ME2: variants seen among roughly 807,000 people sequenced by gnomAD.
ME2 encodes the protein malic enzyme 2, also known as NAD-dependent malic enzyme, mitochondrial.
A neutral mutation model predicts 73.7 loss-of-function variants in ME2; 60 were observed. The observed-to-expected ratio is 0.81, with a 90% CI of 0.66 to 1.01. The LOEUF (loss-of-function observed/expected upper bound fraction) is 1.01. Ranked by LOEUF, ME2 falls within the 50% of genes least tolerant of loss-of-function variation. ME2 has a pLI of 0.00. For synonymous variants in ME2, 199 were observed against 236.9 expected, an observed-to-expected ratio of 0.84 and a Z score of 1.47; for missense variants, 594 against 705.5, an observed-to-expected ratio of 0.84 and a Z score of 1.79.
At chr18:50,928,730 C>A (rs988404619) in intron 12 of ME2, among the ~76,000 whole-genome samples, 3 of 152,170 alleles carry the variant, frequency 2.0e-5, no homozygotes, top group Non-Finnish European at 2.9e-5. Context: ...GATATCCACC[C>A]CTTTGGGTAT....
intron 12 of ME2, among the ~76,000 whole-genome samples, chr18:50,927,724 A>G (rs1404321250): frequency 1.2e-5 from 1 of 81,166 alleles, no homozygotes; most frequent in Non-Finnish European, 2.4e-5. Flanking sequence ...AAAAAACCAT[A>G]TATATATATA....
At chr18:50,879,741 C>T (rs1429040309) in intron 1 of ME2, among the ~76,000 whole-genome samples, 2 of 152,360 alleles carry the variant, frequency 1.3e-5, no homozygotes, top group East Asian at 1.9e-4. Context: ...GAGTTAACGG[C>T]AGGAGTTAGG....
intron 15 of ME2, 117 bp from the exon 16 acceptor site, chr18:50,946,900 C>A: frequency 2.7e-6 from 2 of 751,606 alleles, no homozygotes; most frequent in Non-Finnish European, 4.5e-6. Context: ...TTATTTTTTA[C>A]TGTGAAAAAA....
chr18:50,900,628 G>C (rs887943339), intron 2 of ME2, among the ~76,000 whole-genome samples: 1 of 152,122 alleles, frequency 6.6e-6, no homozygotes, highest in East Asian at 1.9e-4. Flanking sequence ...TGAGTGATAT[G>C]ATTTGGCTCT....
intron 13 of ME2, 123 bp downstream of exon 13, chr18:50,932,483 C>A: frequency 1.9e-6 from 1 of 531,950 alleles, no homozygotes; most frequent in Non-Finnish European, 3.2e-6. Context: ...TATAAATGTA[C>A]AAGGAAACTC....
chr18:50,891,888 A>G (rs1233150379), intron 1 of ME2, among the ~76,000 whole-genome samples: 1 of 149,660 alleles, frequency 6.7e-6, no homozygotes, highest in Non-Finnish European at 1.5e-5. Flanking sequence ...GTCTCGGCTC[A>G]CTGCAGCTCT....
intron 12 of ME2, among the ~76,000 whole-genome samples, chr18:50,931,026 G>A (rs563058219): frequency 6.6e-6 from 1 of 152,228 alleles, no homozygotes; most frequent in Admixed American, 6.5e-5. Context: ...TAAAAGTAGT[G>A]GTTACTCTGC....
chr18:50,933,174 T>C (rs917642031), intron 13 of ME2: 1 of 152,240 alleles, frequency 6.6e-6, no homozygotes, highest in East Asian at 1.9e-4. Flanking sequence ...TTCCTTTCAA[T>C]GTTTCTGCCT....
In ME2 at chr18:50,899,599, G is replaced by A. The variant is rs571392770; in HGVS notation, c.108+3671G>A. Among the ~76,000 whole-genome samples the A allele has an allele frequency of 1.9e-3, 294 of 152,264 alleles. 2 individuals are homozygous for A. The highest frequency in any genetic ancestry group is 6.8e-3 in the African/African-American group (283 of 41,550). On this transcript the variant is annotated intron_variant, in intron 2 of 15. Coordinates refer to ENST00000321341, the MANE Select transcript of ME2 (RefSeq NM_002396.5). ...TGCACTGCAGCTTGGGTGGCAGAGTGAGCCCCTGTCTCAAAAAAAATTGTC... is the reference window on the plus strand; with the variant it reads ...TGCACTGCAGCTTGGGTGGCAGAGTAAGCCCCTGTCTCAAAAAAAATTGTC...
At chr18:50,891,988 GT>G (rs11463139) in intron 1 of ME2, among the ~76,000 whole-genome samples, 106 of 142,920 alleles carry the variant, frequency 7.4e-4, no homozygotes, top group Middle Eastern at 7.2e-3. Flanking sequence ...GTGTGTGTGG[GT>G]TTTTTTTTTT....
Position 50,953,248 on chromosome 18 carries a change from G to T in ME2, c.*6064G>T. On this transcript the variant is annotated 3_prime_UTR_variant, in exon 16 of 16. Transcript: ENST00000321341. ...CGAGTAGCTCGGACTACAGGCGCCC[G>T]CCACCTCGCCCAGCTAATTTTTTGT... The T allele has an allele frequency of 6.6e-6, 1 of 152,252 alleles. No homozygotes were observed. The highest frequency in any genetic ancestry group is 1.5e-5 in the Non-Finnish European group (1 of 68,128). The allele number at this position is 152,252 out of a possible 1,614,324, so 9.4% of individuals were successfully genotyped here.
intron 12 of ME2, 54 bp downstream of exon 12, chr18:50,925,952 T>C (rs1485062823): frequency 1.6e-6 from 2 of 1,256,050 alleles, no homozygotes; most frequent in East Asian, 2.4e-5. Context: ...CACTAGCTTA[T>C]TAGTTATACA....
At chr18:50,882,054 A>C (rs530701803) in intron 1 of ME2, among the ~76,000 whole-genome samples, 3 of 152,296 alleles carry the variant, frequency 2.0e-5, no homozygotes, top group Non-Finnish European at 4.4e-5. Context: ...GCTAGAGTGC[A>C]GTGGTGCTGT....
chr18:50,893,933 C>G (rs1916670129), intron 1 of ME2, among the ~76,000 whole-genome samples: 1 of 152,208 alleles, frequency 6.6e-6, no homozygotes, highest in Non-Finnish European at 1.5e-5. Flanking sequence ...CCTTTTAAAT[C>G]ATTCAGACAT....
At chr18:50,886,490 C>T (rs1055228549) in intron 1 of ME2, among the ~76,000 whole-genome samples, 2 of 152,046 alleles carry the variant, frequency 1.3e-5, no homozygotes, top group Admixed American at 6.6e-5. Context: ...GTGATCCGCT[C>T]ACCTCAGCCT....
Position 50,947,298 on chromosome 18 carries a change from T to A in ME2, c.*114T>A. 6.2e-6 allele frequency: 7 copies of A among 1,120,048 alleles called. No individual in the cohort carries two copies. The South Asian group carries it at 1.1e-4, about 18-fold the overall frequency. The allele number at this position is 1,120,048 out of a possible 1,614,324, so 69.4% of individuals were successfully genotyped here. On this transcript the variant is annotated 3_prime_UTR_variant, in exon 16 of 16. Transcript: ENST00000321341. ...TCTGTGTTTTGTTCTCCCTGACCAC[T>A]TTGGTTGATGTATTTTTTCCATGCG... is the stretch of plus-strand genomic sequence containing the variant.
At chr18:50,890,578 A>C (rs657111) in intron 1 of ME2, among the ~76,000 whole-genome samples, 51,652 of 151,960 alleles carry the variant, frequency 0.34, 8,954 homozygotes, top group Non-Finnish European at 0.38. Context: ...ATTTAGTTTT[A>C]TCTATATCAT....
At chr18:50,889,435 G>C (rs528826982) in intron 1 of ME2, among the ~76,000 whole-genome samples, 1 of 152,024 alleles carries the variant, frequency 6.6e-6, no homozygotes, top group African/African-American at 2.4e-5. Flanking sequence ...GTCCAGAGAG[G>C]GCATGGAAAC....
Position 50,951,438 on chromosome 18 carries a change from T to G in ME2, c.*4254T>G, listed in dbSNP as rs1270504682. 2 of 152,204 alleles carry G rather than the reference T, an allele frequency of 1.3e-5. No homozygotes were observed. The highest frequency in any genetic ancestry group is 2.9e-5 in the Non-Finnish European group (2 of 68,032). The allele number at this position is 152,204 out of a possible 1,614,324, so 9.4% of individuals were successfully genotyped here. A position where few individuals can be genotyped will look rare whatever the true frequency, so the allele number is the denominator to read the frequency against. On this transcript the variant is annotated 3_prime_UTR_variant, in exon 16 of 16. Coordinates refer to ENST00000321341, the MANE Select transcript of ME2 (RefSeq NM_002396.5). Reference sequence around the variant, plus strand: ...TTTTCCTCAAGCCCAGTCAGTATCCTTCAAGGATAACTTTTTCATACCTTT... The same window carrying G: ...TTTTCCTCAAGCCCAGTCAGTATCCGTCAAGGATAACTTTTTCATACCTTT...
Sources: gnomAD v4.1 joint callset for allele counts (sites outside exome capture counted in the v4.1 genomes callset) on GRCh38, gnomAD v4.1.1 for gene constraint, MANE v1.5 for transcripts, NCBI Gene and HGNC (gene_info 2026-07-23, HGNC 2026-07-21) for gene names.